The following MTCL1 variants were observed in gnomAD, a reference collection of about 807,000 sequenced individuals.
MTCL1 encodes microtubule crosslinking factor 1, also known as microtubule cross-linking factor 1.
A neutral mutation model predicts 141.4 loss-of-function variants in MTCL1; 79 were observed. That is an observed-to-expected ratio of 0.56 (90% CI 0.47 to 0.67). The LOEUF (loss-of-function observed/expected upper bound fraction) is 0.67. MTCL1 is among the 30% of genes least tolerant of loss of function. The pLI, the probability that MTCL1 is intolerant of heterozygous loss-of-function variation, is 0.00. For missense variants in MTCL1, 2,177 were observed against 2,113.9 expected (o/e 1.03, Z -0.59); for synonymous variants, 914 against 875.8 (o/e 1.04, Z -0.77).
At chr18:8,733,499 G>C (rs987833578) in intron 4 of MTCL1, among the ~76,000 whole-genome samples, 3 of 152,150 alleles carry the variant, frequency 2.0e-5, no homozygotes, top group African/African-American at 7.2e-5. Flanking sequence ...TTTGCCTCCT[G>C]GGTTCAAGCG....
chr18:8,763,427 C>T (rs571805170), intron 4 of MTCL1, among the ~76,000 whole-genome samples: 146 of 152,350 alleles, frequency 9.6e-4, no homozygotes, highest in African/African-American at 3.4e-3. Flanking sequence ...TGCCAGTTCA[C>T]TTCCAAAGAG....
intron 11 of MTCL1, among the ~76,000 whole-genome samples, chr18:8,812,099 G>T (rs201891974): frequency 1.6e-5 from 1 of 63,916 alleles, no homozygotes; most frequent in Non-Finnish European, 3.3e-5. Flanking sequence ...ACAACACACT[G>T]TAACAATTTT....
At chr18:8,739,299 G>A (rs1361399373) in intron 4 of MTCL1, among the ~76,000 whole-genome samples, 1 of 152,150 alleles carries the variant, frequency 6.6e-6, no homozygotes, top group Non-Finnish European at 1.5e-5. Context: ...CAGGGGTGAG[G>A]ATACTAGTCA....
chr18:8,832,076 G>A (rs1044037308), exon 17 of MTCL1: 3 of 464,394 alleles, frequency 6.5e-6, no homozygotes, highest in Admixed American at 3.8e-5. Flanking sequence ...AAACGAAAAG[G>A]TAAATAAGGT....
rs1350617469 is a variant in MTCL1 at position 8,828,432 on chromosome 18, C to T, written c.4723-476C>T. ...ATCTGAAAATGGAATGCTCTTCCTC[C>T]CTCCCCTAAGTGGAAAATGTGAGGG... is the stretch of plus-strand genomic sequence containing the variant. On this transcript the variant is annotated intron_variant, in intron 15 of 16. Coordinates refer to ENST00000359865, the Ensembl canonical transcript of MTCL1. This position sits in a 1 kb window ranked among gnomAD's most constrained non-coding sequence, Gnocchi z 5.2. Among the ~76,000 whole-genome samples, 2 of 152,196 alleles carry T rather than the reference C, an allele frequency of 1.3e-5. No individual in the cohort carries two copies. The highest frequency in any genetic ancestry group is 4.8e-5 in the African/African-American group (2 of 41,450).
At chr18:8,783,692 G>C (rs1452243050) in exon 6 of MTCL1, 2 of 1,609,866 alleles carry the variant, frequency 1.2e-6, no homozygotes, top group Non-Finnish European at 1.7e-6. Context: ...CCTGCCCACG[G>C]GGGAAGCAGG....
exon 15 of MTCL1, chr18:8,826,057 A>G (rs1175428063): frequency 1.2e-6 from 2 of 1,611,904 alleles, no homozygotes; most frequent in Non-Finnish European, 8.5e-7. Flanking sequence ...CCAGTGAAGC[A>G]GGACTTATCT....
upstream of MTCL1, among the ~76,000 whole-genome samples, chr18:8,717,040 C>T (rs1380354544): frequency 6.6e-6 from 1 of 152,132 alleles, no homozygotes; most frequent in African/African-American, 2.4e-5. Flanking sequence ...TGTTAGTCGC[C>T]TTTCTGACTT....
rs542333334 is a variant in MTCL1, at chr18:8,706,853, A to T, written c.1053+140A>T. 4.3e-4 allele frequency: 593 copies of T among 1,377,068 alleles called. 5 individuals carry two copies. The highest frequency in any genetic ancestry group is 1.2e-4 in the Non-Finnish European group (129 of 1,060,684). 85.3% of individuals were successfully genotyped at this position (1,377,068 alleles called of 1,614,324 possible). On this transcript the variant is annotated intron_variant, in intron 1 of 13. Coordinates refer to the MTCL1 transcript ENST00000306329. ...TCCACGGTCCTACCCCCGCATTGTCAGGCATTGGCAACTTAAGCCCAAACT... is the reference window on the plus strand; with the variant it reads ...TCCACGGTCCTACCCCCGCATTGTCTGGCATTGGCAACTTAAGCCCAAACT...
rs1417123861 is a variant in MTCL1, at chr18:8,761,718, G to A, written c.358-16115G>A. Among the ~76,000 whole-genome samples, 9 of 152,322 alleles carry A rather than the reference G, an allele frequency of 5.9e-5. No homozygotes were observed. In the South Asian group the frequency reaches 1.2e-3, roughly 21 times the overall value. On this transcript the variant is annotated intron_variant, in intron 4 of 16. Transcript: ENST00000359865. The stretch of plus-strand genomic sequence containing the variant: ...GAAGGTGAAAGGCACATCTTACATG[G>A]CGGCAGACAAGAGAAGAGAGCTTGT...
At chr18:8,764,366 G>A (rs1254344851) in intron 4 of MTCL1, among the ~76,000 whole-genome samples, 1 of 151,084 alleles carries the variant, frequency 6.6e-6, no homozygotes, top group African/African-American at 2.4e-5. Flanking sequence ...TGCCCAGGCT[G>A]AAGTGCGGTG....
At chr18:8,715,732 G>A (rs963041515), upstream of MTCL1, among the ~76,000 whole-genome samples, 1 of 152,206 alleles carries the variant, frequency 6.6e-6, no homozygotes, top group African/African-American at 2.4e-5. Context: ...TCGAAAGAGT[G>A]ACAACCACAA....
chr18:8,817,333 T>A (rs8083337), intron 12 of MTCL1, among the ~76,000 whole-genome samples: 97,570 of 145,184 alleles, frequency 0.67, 32,402 homozygotes, highest in Middle Eastern at 0.7. Context: ...ATCAGGGAGG[T>A]GGAGGAGGAG....
At chr18:8,772,673 A>G (rs2096489626) in intron 4 of MTCL1, among the ~76,000 whole-genome samples, 1 of 151,326 alleles carries the variant, frequency 6.6e-6, no homozygotes, top group Non-Finnish European at 1.5e-5. Context: ...TATAACATAA[A>G]AAGTATGTTA....
intron 4 of MTCL1, among the ~76,000 whole-genome samples, chr18:8,728,200 A>G (rs2148850879): frequency 6.6e-6 from 1 of 152,266 alleles, no homozygotes; most frequent in African/African-American, 2.4e-5. Context: ...ATTAATTTAC[A>G]GTTAATTTAA....
intron 7 of MTCL1, chr18:8,789,649 AGG>A: frequency 2.0e-6 from 2 of 985,430 alleles, no homozygotes; most frequent in Non-Finnish European, 2.4e-6. Context: ...GAAACAAGTG[AGG>A]GTGGTGGTGG....
intron 5 of MTCL1, among the ~76,000 whole-genome samples, chr18:8,780,908 C>G (rs556262368): frequency 2.6e-5 from 4 of 152,162 alleles, no homozygotes; most frequent in Admixed American, 2.6e-4. Context: ...TGGCTCATAC[C>G]TGTAATCCCA....
intron 4 of MTCL1, among the ~76,000 whole-genome samples, chr18:8,747,630 CAA>C (rs1245542831): frequency 6.6e-6 from 1 of 152,182 alleles, no homozygotes; most frequent in Non-Finnish European, 1.5e-5. Flanking sequence ...TCTAAACGTG[CAA>C]AGACTCTGTT....
intron 4 of MTCL1, among the ~76,000 whole-genome samples, chr18:8,722,242 C>T (rs148774738): frequency 7.2e-5 from 11 of 152,060 alleles, no homozygotes; most frequent in Non-Finnish European, 1.6e-4. Flanking sequence ...TCTGGAACAA[C>T]GTGGGGATTG....
Sources: allele counts gnomAD v4.1 joint callset (sites outside exome capture counted in the v4.1 genomes callset), GRCh38; gene constraint gnomAD v4.1.1; non-coding constraint Gnocchi (gnomAD v3.1); transcripts MANE v1.5; gene names NCBI Gene and HGNC (gene_info 2026-07-23, HGNC 2026-07-21).